Variants in FOXO1 observed in about 807,000 individuals in gnomAD.
FOXO1 encodes forkhead box O1.
A neutral mutation model predicts 44.1 loss-of-function variants in FOXO1; 6 were observed. The ratio of observed to expected loss-of-function variants is 0.14; its 90% confidence interval spans 0.07 to 0.27. The LOEUF is 0.27. Ranked by LOEUF, FOXO1 falls within the 10% of genes least tolerant of loss-of-function variation. The pLI is 1.00. For synonymous variants in FOXO1, 380 were observed against 362.7 expected, an observed-to-expected ratio of 1.05 and a Z score of -0.54; for missense variants, 737 against 888.8, an observed-to-expected ratio of 0.83 and a Z score of 2.17.
chr13:40,584,782 G>A (rs986573053), intron 1 of FOXO1, among the ~76,000 whole-genome samples: 3 of 152,150 alleles, frequency 2.0e-5, no homozygotes, highest in Non-Finnish European at 2.9e-5. Flanking sequence ...CCGAATAAGC[G>A]AGTAGTTATC....
At chr13:40,635,256 G>A (rs1877108321) in intron 1 of FOXO1, among the ~76,000 whole-genome samples, 1 of 152,062 alleles carries the variant, frequency 6.6e-6, no homozygotes. Context: ...CTCCTACGAA[G>A]AAACACAGGA....
At chr13:40,628,315 A>G in intron 1 of FOXO1, among the ~76,000 whole-genome samples, 1 of 151,848 alleles carries the variant, frequency 6.6e-6, no homozygotes, top group Non-Finnish European at 1.5e-5. Flanking sequence ...CATTCTAAAT[A>G]TGTGCAGATT....
At chr13:40,609,497 C>T (rs183012813) in intron 1 of FOXO1, among the ~76,000 whole-genome samples, 125 of 152,210 alleles carry the variant, frequency 8.2e-4, no homozygotes, top group Non-Finnish European at 1.6e-3. Context: ...TCAGTGCATC[C>T]TTCTTTTGAT....
Position 40,638,330 on chromosome 13 carries a change from G to GAA in FOXO1, c.630+27251_630+27252dup, listed in dbSNP as rs1877228273. ...CACCATAAGGAGATAACTTATAGAG[G>GAA]AACGTTGAAGTGATGTAAGGAAGAC... On this transcript the variant is annotated intron_variant, in intron 1 of 2. Coordinates refer to ENST00000379561, the MANE Select transcript of FOXO1 (RefSeq NM_002015.4). 2.0e-5 allele frequency among the ~76,000 whole-genome samples: 3 copies of GAA among 152,046 alleles called. No homozygotes were observed. In the South Asian group the frequency reaches 6.2e-4, roughly 32 times the overall value.
chr13:40,559,109 AC>A, intron 2 of FOXO1, 75 bp from the exon 3 acceptor site: 1 of 403,040 alleles, frequency 2.5e-6, no homozygotes, highest in Non-Finnish European at 4.4e-6. Context: ...AATCAATTCA[AC>A]TTAACATGTT....
chr13:40,574,388 C>T (rs1398699166), intron 1 of FOXO1, among the ~76,000 whole-genome samples: 1 of 152,104 alleles, frequency 6.6e-6, no homozygotes, highest in East Asian at 1.9e-4. Context: ...TGTCTCCGTA[C>T]CAAATAACTG....
rs1876879084 is a variant in FOXO1 at position 40,629,108 on chromosome 13, AC to A, written c.630+36474del. Among the ~76,000 whole-genome samples the A allele has an allele frequency of 2.0e-5, 3 of 151,960 alleles. 1 individual carries two copies. The South Asian group carries it at 6.2e-4, about 32-fold the overall frequency. ...GGATCACAATGGTTGAAGAGGCCCAACCAACAAATGGCAATGAATAGTTAAA... is the reference window on the plus strand; with the variant it reads ...GGATCACAATGGTTGAAGAGGCCCAACAACAAATGGCAATGAATAGTTAAA... On this transcript the variant is annotated intron_variant, in intron 1 of 2. Transcript: ENST00000379561.
intron 1 of FOXO1, among the ~76,000 whole-genome samples, chr13:40,622,937 G>A (rs1463226586): frequency 6.6e-6 from 1 of 152,302 alleles, no homozygotes; most frequent in Admixed American, 6.5e-5. Flanking sequence ...TCTGCTTCCA[G>A]GGTGTGATTC....
chr13:40,573,049 C>CT (rs1358078329), intron 1 of FOXO1, among the ~76,000 whole-genome samples: 1 of 152,172 alleles, frequency 6.6e-6, no homozygotes, highest in Admixed American at 6.5e-5. Flanking sequence ...CTCAATGTGC[C>CT]CACACTAAAG....
chr13:40,583,033 A>ACTGCAG (rs1208515576), intron 1 of FOXO1, among the ~76,000 whole-genome samples: 3 of 152,234 alleles, frequency 2.0e-5, no homozygotes, highest in Non-Finnish European at 4.4e-5. Context: ...TTATTTCTTG[A>ACTGCAG]CCCATGGGCT....
Position 40,636,027 on chromosome 13 carries a change from T to C in FOXO1, c.630+29556A>G, listed in dbSNP as rs533995019. On this transcript the variant is annotated intron_variant, in intron 1 of 2. Transcript: ENST00000379561. ...GAGTTCGAAACTAGCCTGGCCAACATGATGAAACCCTGTCTGTACTAAAAA... is the reference window on the plus strand; with the variant it reads ...GAGTTCGAAACTAGCCTGGCCAACACGATGAAACCCTGTCTGTACTAAAAA... Among the ~76,000 whole-genome samples, 88 of 152,224 alleles carry C rather than the reference T, an allele frequency of 5.8e-4. 1 individual carries two copies. The highest frequency in any genetic ancestry group is 1.6e-3 in the African/African-American group (68 of 41,542).
chr13:40,583,290 T>C lies in FOXO1; in HGVS notation c.631-22430A>G, dbSNP rs199890103. 5.3e-5 allele frequency among the ~76,000 whole-genome samples: 8 copies of C among 152,336 alleles called. No homozygotes were observed. The East Asian group carries it at 1.5e-3, about 29-fold the overall frequency. ...ACAGATAGAGTTGATTTAGCATACT[T>C]CTTAAGGGCACTAGAATTTTCTGAA... On this transcript the variant is annotated intron_variant, in intron 1 of 2. Coordinates refer to ENST00000379561, the MANE Select transcript of FOXO1 (RefSeq NM_002015.4).
intron 1 of FOXO1, among the ~76,000 whole-genome samples, chr13:40,593,599 T>C (rs7329912): frequency 0.018 from 2,705 of 152,296 alleles, 83 homozygotes; most frequent in African/African-American, 0.059. Flanking sequence ...ACTTACTTAA[T>C]ACCTATTACT....
intron 1 of FOXO1, among the ~76,000 whole-genome samples, chr13:40,653,914 TAG>T (rs1315353140): frequency 6.6e-6 from 1 of 152,016 alleles, no homozygotes; most frequent in Non-Finnish European, 1.5e-5. Context: ...ATAGTAAGAG[TAG>T]AGAGTCACAA....
chr13:40,589,686 T>C (rs920359514), intron 1 of FOXO1, among the ~76,000 whole-genome samples: 25 of 152,242 alleles, frequency 1.6e-4, no homozygotes, highest in African/African-American at 6.0e-4. Context: ...AGCTTATTGT[T>C]TCAGAACAAA....
chr13:40,617,305 C>T (rs781341447), intron 1 of FOXO1, among the ~76,000 whole-genome samples: 18 of 152,220 alleles, frequency 1.2e-4, no homozygotes, highest in Admixed American at 7.2e-4. Context: ...ATTAGCCGGA[C>T]GTGGTGGCAC....
chr13:40,626,625 G>GT (rs1876793781), intron 1 of FOXO1, among the ~76,000 whole-genome samples: 1 of 152,186 alleles, frequency 6.6e-6, no homozygotes, highest in Admixed American at 6.5e-5. Flanking sequence ...AACAAAGTTG[G>GT]TAAGTTCCAC....
chr13:40,558,995 T>C lies in FOXO1; in HGVS notation c.*54A>G, dbSNP rs1873871211. Reference sequence around the variant, plus strand: ...GACATCTTTGGACTGCTTCTCTCAGTTCCTGCTGTCAGACAATCTGAAGTA... The same window carrying C: ...GACATCTTTGGACTGCTTCTCTCAGCTCCTGCTGTCAGACAATCTGAAGTA... On this transcript the variant is annotated 3_prime_UTR_variant, in exon 3 of 3. Coordinates refer to ENST00000379561, the MANE Select transcript of FOXO1 (RefSeq NM_002015.4). The C allele has an allele frequency of 5.0e-6, 2 of 398,514 alleles. No individual in the cohort carries two copies. Among genetic ancestry groups the C allele is most frequent in the Non-Finnish European group, 8.9e-6 (2 of 225,940 alleles). 24.7% of individuals were successfully genotyped at this position (398,514 alleles called of 1,614,324 possible).
intron 1 of FOXO1, among the ~76,000 whole-genome samples, chr13:40,571,171 T>C (rs1311504695): frequency 6.6e-6 from 1 of 151,812 alleles, no homozygotes; most frequent in Non-Finnish European, 1.5e-5. Context: ...AAATGCCTTG[T>C]TTGAAGAGAT....
Sources: allele counts gnomAD v4.1 joint callset (sites outside exome capture counted in the v4.1 genomes callset), GRCh38; gene constraint gnomAD v4.1.1; transcripts MANE v1.5; gene names NCBI Gene and HGNC (gene_info 2026-07-23, HGNC 2026-07-21).